The following TENM4 variants were observed in gnomAD, a reference collection of about 807,000 sequenced individuals.
The protein encoded by TENM4 is teneurin transmembrane protein 4.
TENM4 carries 82 observed loss-of-function variants against 243.3 expected under a neutral mutation model. The ratio of observed to expected loss-of-function variants is 0.34; its 90% CI spans 0.28 to 0.40. TENM4 has a LOEUF of 0.40. Ranked by LOEUF, TENM4 falls within the 10% of genes least tolerant of loss-of-function variation. The pLI is 1.00. For missense variants in TENM4, 3,138 were observed against 3,673.3 expected (o/e 0.85, Z 3.77); for synonymous variants, 1,412 against 1,456.3 (o/e 0.97, Z 0.69).
chr11:79,162,139 C>T (rs1369075608), intron 3 of TENM4, among the ~76,000 whole-genome samples: 1 of 152,214 alleles, frequency 6.6e-6, no homozygotes, highest in East Asian at 1.9e-4. Context: ...TAGCAAGACC[C>T]TGTGTGCAGA....
At chr11:78,839,877 A>C (rs1205732913) in intron 12 of TENM4, among the ~76,000 whole-genome samples, 1 of 152,160 alleles carries the variant, frequency 6.6e-6, no homozygotes, top group Non-Finnish European at 1.5e-5. Context: ...AGCACGGTGC[A>C]TTCAAAAGTG....
intron 1 of TENM4, among the ~76,000 whole-genome samples, chr11:79,397,914 G>T (rs542957240): frequency 6.6e-6 from 1 of 152,290 alleles, no homozygotes; most frequent in South Asian, 2.1e-4. Flanking sequence ...GGAAATGCCA[G>T]CTCTGTCACC....
intron 2 of TENM4, among the ~76,000 whole-genome samples, chr11:79,241,490 C>T (rs1855416913): frequency 6.6e-6 from 1 of 152,068 alleles, no homozygotes; most frequent in African/African-American, 2.4e-5. Flanking sequence ...CAGGCTCACT[C>T]CCAAAATCAT....
chr11:79,293,866 G>A (rs141197753), intron 2 of TENM4, among the ~76,000 whole-genome samples: 95 of 152,352 alleles, frequency 6.2e-4, no homozygotes, highest in African/African-American at 2.2e-3. Context: ...CAGGCAGAAT[G>A]TTCTAAATAG....
intron 4 of TENM4, among the ~76,000 whole-genome samples, chr11:79,118,838 G>A (rs1218262641): frequency 6.6e-6 from 1 of 151,924 alleles, no homozygotes; most frequent in Admixed American, 6.5e-5. Context: ...CACCTTTTTT[G>A]GCTATTGCAA....
Position 79,419,355 on chromosome 11 carries a change from T to A in TENM4, c.-321+21154A>T, listed in dbSNP as rs764016717. 2.0e-5 allele frequency among the ~76,000 whole-genome samples: 3 copies of A among 152,188 alleles called. No individual in the cohort carries two copies. The East Asian group carries it at 5.8e-4, about 29-fold the overall frequency. On this transcript the variant is annotated intron_variant, in intron 1 of 33. Transcript: ENST00000278550. ...GCACTTGGGAACAGGGCAGTCGAGC[T>A]GTTCACACCCACAGGTAAGAGGTCA...
Position 79,440,472 on chromosome 11 carries a change from A to G in TENM4, c.-321+37T>C, listed in dbSNP as rs1859380317. Reference sequence around the variant, plus strand: ...CTGGCGAGGCGTCGCCGCGGTCCCCAAGGCGCTTTTCCGTAGAGCGGATCA... The same window carrying G: ...CTGGCGAGGCGTCGCCGCGGTCCCCGAGGCGCTTTTCCGTAGAGCGGATCA... On this transcript the variant is annotated intron_variant, in intron 1 of 33. Transcript: ENST00000278550. This position sits in a 1 kb window ranked among gnomAD's most constrained non-coding sequence, Gnocchi z 4.7. 6.6e-6 allele frequency: 1 copy of G among 152,254 alleles called. No homozygotes were observed. Among genetic ancestry groups the G allele is most frequent in the Non-Finnish European group, 1.5e-5 (1 of 68,134 alleles). The allele number at this position is 152,254 out of a possible 1,614,324, so 9.4% of individuals were successfully genotyped here.
chr11:79,371,309 C>G (rs941674158), intron 1 of TENM4, among the ~76,000 whole-genome samples: 4 of 152,198 alleles, frequency 2.6e-5, no homozygotes, highest in African/African-American at 9.7e-5. Flanking sequence ...AATTCCCACT[C>G]AGGCCCATTA....
intron 6 of TENM4, among the ~76,000 whole-genome samples, chr11:79,020,864 C>T (rs1374625571): frequency 2.6e-5 from 4 of 152,132 alleles, no homozygotes; most frequent in East Asian, 1.9e-4. Context: ...GACCTAAGGC[C>T]CTAAAGAGAA....
chr11:78,784,664 T>C (rs1856898901), intron 16 of TENM4, among the ~76,000 whole-genome samples: 4 of 152,216 alleles, frequency 2.6e-5, no homozygotes, highest in African/African-American at 2.4e-5. Context: ...CACATTTACT[T>C]TGATGTATTT....
At chr11:78,903,210 T>C in intron 7 of TENM4, 58 bp downstream of exon 7, 1 of 1,461,258 alleles carries the variant, frequency 6.8e-7, no homozygotes. Flanking sequence ...CCAAAGACCT[T>C]GGTCCGGGCC....
chr11:78,728,389 A>G (rs951207211), intron 22 of TENM4, among the ~76,000 whole-genome samples: 2 of 152,162 alleles, frequency 1.3e-5, no homozygotes, highest in Non-Finnish European at 2.9e-5. Context: ...TGACTAATGT[A>G]CAGGGGCACA....
rs1467070273 is a variant in TENM4 at position 79,259,646 on chromosome 11, CATCCATCCATCT to C, written c.-265+37830_-265+37841del. On this transcript the variant is annotated intron_variant, in intron 2 of 33. Transcript: ENST00000278550. ...CCACCCATCCACTCCCCCATCCATC[CATCCATCCATCT>C]ATCCATCCATCCATCCATCCATCCA... Among the ~76,000 whole-genome samples the C allele has an allele frequency of 6.4e-3, 877 of 136,730 alleles. 6 individuals are homozygous for C. The highest frequency in any genetic ancestry group is 0.024 in the African/African-American group (841 of 35,350). 89.7% of individuals were successfully genotyped at this position (136,730 alleles called of 152,430 possible).
intron 18 of TENM4, among the ~76,000 whole-genome samples, chr11:78,764,794 G>C (rs1414236772): frequency 6.6e-6 from 1 of 152,200 alleles, no homozygotes; most frequent in Non-Finnish European, 1.5e-5. Flanking sequence ...AGACAATTGA[G>C]TGCTGGAGAA....
chr11:78,928,495 C>A (rs959371336), intron 6 of TENM4, among the ~76,000 whole-genome samples: 1 of 152,168 alleles, frequency 6.6e-6, no homozygotes, highest in African/African-American at 2.4e-5. Context: ...AGGTGCTTGA[C>A]GGAATAGATT....
chr11:79,082,568 A>T (rs1860703087), intron 4 of TENM4, among the ~76,000 whole-genome samples: 2 of 152,076 alleles, frequency 1.3e-5, no homozygotes, highest in African/African-American at 4.8e-5. Context: ...ACCCCAGAAA[A>T]ATGCACATAT....
chr11:79,288,217 T>G, intron 2 of TENM4, among the ~76,000 whole-genome samples: 1 of 152,218 alleles, frequency 6.6e-6, no homozygotes, highest in Non-Finnish European at 1.5e-5. Flanking sequence ...AGCCCTTTAC[T>G]TGGCTTCAGT....
At chr11:78,981,993 C>T (rs1857807253) in intron 6 of TENM4, among the ~76,000 whole-genome samples, 1 of 152,130 alleles carries the variant, frequency 6.6e-6, no homozygotes, top group Admixed American at 6.5e-5. Context: ...GGACTTGCCA[C>T]AGGGTAGCCA....
intron 2 of TENM4, among the ~76,000 whole-genome samples, chr11:79,266,135 G>A (rs989534891): frequency 3.3e-5 from 5 of 152,190 alleles, no homozygotes; most frequent in Non-Finnish European, 5.9e-5. Flanking sequence ...TACGTCATAA[G>A]ACTTACTGAG....
Sources: gnomAD v4.1 joint callset for allele counts (sites outside exome capture counted in the v4.1 genomes callset) on GRCh38, gnomAD v4.1.1 for gene constraint, Gnocchi (gnomAD v3.1) non-coding constraint, MANE v1.5 for transcripts, NCBI Gene and HGNC (gene_info 2026-07-23, HGNC 2026-07-21) for gene names.